MTMR11: variants seen among roughly 807,000 people sequenced by gnomAD.
MTMR11 encodes the protein myotubularin-related protein 11.
A neutral mutation model predicts 100.0 loss-of-function variants in MTMR11; 89 were observed. The observed-to-expected ratio is 0.89, with a 90% CI of 0.75 to 1.06. The LOEUF (loss-of-function observed/expected upper bound fraction) is 1.06, where lower values mean the gene tolerates loss of function less well. Among genes scored for constraint, MTMR11 ranks in the 50% least tolerant of loss-of-function variants. The pLI, the probability that MTMR11 is intolerant of heterozygous loss-of-function variation, is 0.00. For missense variants in MTMR11, 809 were observed against 873.7 expected, an observed-to-expected ratio of 0.93 and a Z score of 0.93; for synonymous variants, 336 against 326.3, an observed-to-expected ratio of 1.03 and a Z score of -0.32.
rs1553767246 is a variant in MTMR11, at chr1:149,930,415, G to A, written c.1597C>T (p.Pro533Ser). ...SNAQILQFQN[P>S]GYDPEHCPDS... is the part of the protein sequence containing the mutation. The stretch of plus-strand genomic sequence containing the variant: ...GGACAGTGTTCTGGGTCATAGCCAG[G>A]ATTCTGGAATTGTAGTATCTGTGCA... Residue 533 changes from proline to serine, a missense_variant, in exon 15 of 17, where the codon CCT becomes TCT. Pro to Ser is a moderately conservative substitution (Grantham distance 74). Coordinates refer to ENST00000439741, the MANE Select transcript of MTMR11 (RefSeq NM_001145862.2). 6.2e-7 allele frequency: 1 copy of A among 1,614,022 alleles called. No individual in the cohort carries two copies. Among genetic ancestry groups the A allele is most frequent in the South Asian group, 1.1e-5 (1 of 91,080 alleles).
chr1:149,936,818 G>A lies in MTMR11; in HGVS notation c.-171C>T. The A allele has an allele frequency of 1.6e-6, 1 of 623,958 alleles. No homozygotes were observed. Among genetic ancestry groups the A allele is most frequent in the Admixed American group, 3.1e-5 (1 of 32,568 alleles). 38.7% of individuals were successfully genotyped at this position (623,958 alleles called of 1,614,324 possible). A position where few individuals can be genotyped will look rare whatever the true frequency, so the allele number is the denominator to read the frequency against. ...GACGTGCACGGAGCAGAGTTTGGGG[G>A]TCCTTGGAAAGGTGTGTCCAGCCCA... On this transcript the variant is annotated 5_prime_UTR_variant, in exon 1 of 17. Coordinates refer to ENST00000439741, the MANE Select transcript of MTMR11 (RefSeq NM_001145862.2).
chr1:149,934,065 G>C, intron 7 of MTMR11, 123 bp from the exon 8 acceptor site: 1 of 1,549,454 alleles, frequency 6.5e-7, no homozygotes, highest in Non-Finnish European at 8.9e-7. Flanking sequence ...GGATCTAGGA[G>C]GCAAGGGAGA....
At chr1:149,929,598 C>A in intron 16 of MTMR11, 25 bp downstream of exon 16, 2 of 1,594,892 alleles carry the variant, frequency 1.3e-6, no homozygotes, top group African/African-American at 1.3e-5. Context: ...CCTTGTCCCA[C>A]TCCCAGTCTA....
At chr1:149,931,829 G>C (rs1360299908) in intron 12 of MTMR11, 115 bp downstream of exon 12, 2 of 910,896 alleles carry the variant, frequency 2.2e-6, no homozygotes, top group East Asian at 5.2e-5. Flanking sequence ...CTCGCAGGTA[G>C]TTCCCAGGAA....
At chr1:149,935,767 AC>A in intron 2 of MTMR11, 62 bp from the exon 3 acceptor site, 1 of 1,494,278 alleles carries the variant, frequency 6.7e-7, no homozygotes, top group Non-Finnish European at 9.0e-7. Context: ...ACTTGGATAC[AC>A]CCACCCCTCC....
chr1:149,929,012 C>T lies in MTMR11; in HGVS notation c.*117G>A. The stretch of plus-strand genomic sequence containing the variant: ...AAGACAAGAGTTGGAGCAGTTAACA[C>T]CACTATCTGCAGCAGAAACTCAGAC... On this transcript the variant is annotated 3_prime_UTR_variant, in exon 17 of 17. Coordinates refer to ENST00000439741, the MANE Select transcript of MTMR11 (RefSeq NM_001145862.2). 1.2e-6 allele frequency: 2 copies of T among 1,603,348 alleles called. No individual in the cohort carries two copies. Among genetic ancestry groups the T allele is most frequent in the Non-Finnish European group, 1.7e-6 (2 of 1,173,650 alleles).
chr1:149,934,348 G>A lies in MTMR11; in HGVS notation c.548-22C>T, dbSNP rs1396886220. On this transcript the variant is annotated intron_variant, in intron 6 of 16. Transcript: ENST00000439741. The stretch of plus-strand genomic sequence containing the variant: ...TGGCCTAGAACAGGAGTGAGACATA[G>A]AGGAGGAAGGAGAAAATCAGAGACA... 3 of 1,613,966 alleles carry A rather than the reference G, an allele frequency of 1.9e-6. No individual in the cohort carries two copies. In the East Asian group the frequency reaches 6.7e-5, roughly 36 times the overall value.
chr1:149,935,563 C>T (rs1303299424), intron 3 of MTMR11, 21 bp downstream of exon 3: 6 of 1,611,288 alleles, frequency 3.7e-6, no homozygotes, highest in African/African-American at 1.3e-5. Flanking sequence ...GCTGTCATTT[C>T]TGTGGCCCCA....
At chr1:149,931,530 G>C in intron 12 of MTMR11, 104 bp from the exon 13 acceptor site, 1 of 1,125,892 alleles carries the variant, frequency 8.9e-7, no homozygotes, top group Non-Finnish European at 1.2e-6. Context: ...GAGGCACAGA[G>C]GGGAAAGGTT....
At chr1:149,935,511 T>G in intron 3 of MTMR11, 73 bp downstream of exon 3, 2 of 1,590,992 alleles carry the variant, frequency 1.3e-6, no homozygotes. Flanking sequence ...ACCCATAATG[T>G]TTGTCTAAAT....
At chr1:149,934,008 C>T in intron 7 of MTMR11, 66 bp from the exon 8 acceptor site, 1 of 1,554,988 alleles carries the variant, frequency 6.4e-7, no homozygotes, top group Non-Finnish European at 8.9e-7. Context: ...GCTCTTATTA[C>T]AAGGAAGCTG....
Position 149,929,701 on chromosome 1 carries a change from C to T in MTMR11, c.1863G>A (p.Gly621=), listed in dbSNP as rs143215033. The T allele has an allele frequency of 8.6e-5, 139 of 1,614,120 alleles. No homozygotes were observed. In the African/African-American group the frequency reaches 1.7e-3, roughly 20 times the overall value. Residue 621 remains glycine, a synonymous_variant, in exon 16 of 17, where the codon GGG becomes GGA. Coordinates refer to ENST00000439741, the MANE Select transcript of MTMR11 (RefSeq NM_001145862.2). Reference sequence around the variant, plus strand: ...GTCCCAGATACCCAGGCAGCAGCAGCCCTGGAGGTAAAGGGCAAGCTCCCC... The same window carrying T: ...GTCCCAGATACCCAGGCAGCAGCAGTCCTGGAGGTAAAGGGCAAGCTCCCC... ...SHWGACPLPP[G]LLLPGYLGPQ... is the part of the protein sequence containing the mutation.
Position 149,932,293 on chromosome 1 carries a change from C to G in MTMR11, c.1023G>C (p.Leu341=). The G allele has an allele frequency of 6.2e-7, 1 of 1,614,040 alleles. No homozygotes were observed. The highest frequency in any genetic ancestry group is 8.5e-7 in the Non-Finnish European group (1 of 1,179,924). Residue 341 remains leucine (L), a synonymous_variant, in exon 11 of 17, where the codon CTG becomes CTC. Transcript: ENST00000439741. ...CATAGTCCAGCCATCGTGTTCCTTC[C>G]AGGGCTGAAAGCCATTTATCCTCAG... The part of the protein sequence containing the change: ...SVAEDKWLSA[L]EGTRWLDYVR...
intron 11 of MTMR11, 121 bp downstream of exon 11, chr1:149,932,143 A>G: frequency 9.4e-6 from 13 of 1,387,622 alleles, no homozygotes; most frequent in Non-Finnish European, 1.2e-5. Context: ...AGAGCAGAAA[A>G]TGGCAGTCTT....
At chr1:149,936,463 A>T (rs1388267719) in intron 1 of MTMR11, 119 bp downstream of exon 1, 1 of 1,298,962 alleles carries the variant, frequency 7.7e-7, no homozygotes, top group Non-Finnish European at 1.1e-6. Flanking sequence ...CATCAGCAGA[A>T]GCTGATAGAC....
At chr1:149,931,119 C>T (rs1258321373) in intron 13 of MTMR11, 141 bp downstream of exon 13, 13 of 1,364,900 alleles carry the variant, frequency 9.5e-6, no homozygotes, top group Non-Finnish European at 1.3e-5. Context: ...CTTGTAAGGC[C>T]TCACTCATCA....
chr1:149,934,628 G>T (rs1455502873), intron 5 of MTMR11, 102 bp from the exon 6 acceptor site: 2 of 1,220,454 alleles, frequency 1.6e-6, no homozygotes, highest in Non-Finnish European at 2.3e-6. Context: ...CAAGAATGAA[G>T]AAGAACAGTG....
Position 149,929,757 on chromosome 1 carries a change from C to G in MTMR11, c.1807G>C (p.Ala603Pro). ...GAGGGGAGACCCCATTCCTGGTCAGCCAGGCTTTCAGAGGAGATAGCAGGT... is the reference window on the plus strand; with the variant it reads ...GAGGGGAGACCCCATTCCTGGTCAGGCAGGCTTTCAGAGGAGATAGCAGGT... The part of the protein sequence containing the change: ...PRPAISSESL[A>P]DQEWGLPSHW... Residue 603 changes from alanine to proline, a missense_variant, in exon 16 of 17, where the codon GCT becomes CCT. By Grantham distance (27) the Ala-to-Pro change is conservative (BLOSUM62 -1). Coordinates refer to ENST00000439741, the MANE Select transcript of MTMR11 (RefSeq NM_001145862.2). 2 of 1,614,160 alleles carry G rather than the reference C, an allele frequency of 1.2e-6. No individual in the cohort carries two copies. Among genetic ancestry groups the G allele is most frequent in the Non-Finnish European group, 8.5e-7 (1 of 1,180,032 alleles).
At chr1:149,932,882 T>C (rs2092678099) in intron 10 of MTMR11, among the ~76,000 whole-genome samples, 1 of 150,324 alleles carries the variant, frequency 6.7e-6, no homozygotes, top group Non-Finnish European at 1.5e-5. Context: ...ACATGGGAGT[T>C]GGAGGTTGCA....
Sources: gnomAD v4.1 joint callset for allele counts (sites outside exome capture counted in the v4.1 genomes callset) on GRCh38, gnomAD v4.1.1 for gene constraint, MANE v1.5 for transcripts, NCBI Gene and HGNC (gene_info 2026-07-23, HGNC 2026-07-21) for gene names.